GRM7: variants seen among roughly 807,000 people sequenced by gnomAD.
GRM7 encodes the protein glutamate metabotropic receptor 7, also known as metabotropic glutamate receptor 7.
Under a neutral mutation model 84.5 loss-of-function variants are expected in GRM7, and 35 were observed. That is an observed-to-expected ratio of 0.41 (90% CI 0.32 to 0.55). The LOEUF is 0.55. Among genes scored for constraint, GRM7 ranks in the 20% least tolerant of loss-of-function variants. The probability of loss-of-function intolerance (pLI) is 0.19; values close to 1 mark genes in which losing one functional copy is unlikely to be tolerated. For synonymous variants in GRM7, 487 were observed against 455.1 expected (o/e 1.07, Z -0.89); for missense variants, 1,003 against 1,194.6 (o/e 0.84, Z 2.36).
intron 7 of GRM7, among the ~76,000 whole-genome samples, chr3:7,498,094 A>G (rs1275672975): frequency 2.6e-5 from 4 of 152,222 alleles, no homozygotes; most frequent in Non-Finnish European, 4.4e-5. Context: ...CCTCTCTTCA[A>G]GTATATACAA....
At chr3:7,491,808 T>C (rs1314921899) in intron 7 of GRM7, among the ~76,000 whole-genome samples, 1 of 152,178 alleles carries the variant, frequency 6.6e-6, no homozygotes, top group Non-Finnish European at 1.5e-5. Flanking sequence ...CTGGATATGG[T>C]TCTTAGTACA....
At chr3:7,524,890 A>G (rs1359961160) in intron 7 of GRM7, among the ~76,000 whole-genome samples, 1 of 116,324 alleles carries the variant, frequency 8.6e-6, no homozygotes, top group Non-Finnish European at 1.7e-5. Context: ...GATAGACTGG[A>G]TTAAGAAAAT....
intron 4 of GRM7, among the ~76,000 whole-genome samples, chr3:7,368,809 C>T (rs1298760102): frequency 6.6e-6 from 1 of 152,114 alleles, no homozygotes; most frequent in Non-Finnish European, 1.5e-5. Flanking sequence ...TACATCTGTT[C>T]TTGATTCCCA....
At chr3:6,920,447 C>T (rs1270305090) in intron 1 of GRM7, among the ~76,000 whole-genome samples, 1 of 151,638 alleles carries the variant, frequency 6.6e-6, no homozygotes, top group African/African-American at 2.4e-5. Context: ...CCAAGCTGCT[C>T]AGGAGGCCGA....
chr3:7,153,048 G>T (rs1248118140), intron 2 of GRM7, among the ~76,000 whole-genome samples: 1 of 151,630 alleles, frequency 6.6e-6, no homozygotes, highest in Non-Finnish European at 1.5e-5. Context: ...GTGGTATCCA[G>T]CATCAGCTGG....
chr3:7,298,047 G>A (rs7621647), intron 2 of GRM7, among the ~76,000 whole-genome samples: 60 of 152,126 alleles, frequency 3.9e-4, no homozygotes, highest in African/African-American at 1.4e-3. Context: ...TGAGCAATAC[G>A]AAATACTTTA....
intron 8 of GRM7, among the ~76,000 whole-genome samples, chr3:7,653,924 G>A (rs994396820): frequency 6.6e-6 from 1 of 152,168 alleles, no homozygotes; most frequent in African/African-American, 2.4e-5. Flanking sequence ...TCTAAGACCA[G>A]TGCTGCTTCC....
chr3:7,322,844 T>A (rs1368189322), intron 4 of GRM7, among the ~76,000 whole-genome samples: 3 of 152,044 alleles, frequency 2.0e-5, no homozygotes, highest in African/African-American at 7.2e-5. Flanking sequence ...AAATTCGTTA[T>A]CCTCTTTTGA....
intron 2 of GRM7, among the ~76,000 whole-genome samples, chr3:7,208,988 A>G (rs1696332685): frequency 6.6e-6 from 1 of 152,218 alleles, no homozygotes; most frequent in South Asian, 2.1e-4. Flanking sequence ...AAACCATCAT[A>G]AGTTGAAAAT....
At chr3:6,953,877 A>G (rs545277842) in intron 1 of GRM7, among the ~76,000 whole-genome samples, 1 of 152,266 alleles carries the variant, frequency 6.6e-6, no homozygotes, top group South Asian at 2.1e-4. Flanking sequence ...TGAGAATTAA[A>G]TGAGATAATT....
intron 1 of GRM7, among the ~76,000 whole-genome samples, chr3:7,093,142 A>G (rs538120530): frequency 6.6e-6 from 1 of 152,286 alleles, no homozygotes; most frequent in East Asian, 1.9e-4. Flanking sequence ...GATTTAGGAA[A>G]GATGCAGAGA....
chr3:7,225,674 A>T (rs1174165003), intron 2 of GRM7, among the ~76,000 whole-genome samples: 1 of 151,566 alleles, frequency 6.6e-6, no homozygotes, highest in East Asian at 1.9e-4. Context: ...TGCCAAGGTG[A>T]TTATTTTTAT....
chr3:7,185,160 T>A (rs1390768708), intron 2 of GRM7, among the ~76,000 whole-genome samples: 2 of 152,138 alleles, frequency 1.3e-5, no homozygotes, highest in African/African-American at 4.8e-5. Flanking sequence ...CACCATGGCC[T>A]TAATTACTAG....
At chr3:7,627,017 A>G (rs956658904) in intron 8 of GRM7, among the ~76,000 whole-genome samples, 1 of 152,046 alleles carries the variant, frequency 6.6e-6, no homozygotes. Flanking sequence ...TTGGGTAGAA[A>G]AGAAATATCA....
In GRM7 at chr3:7,360,134, C is replaced by CGTGTGT. The variant is rs1559264944; in HGVS notation, c.1033+53482_1033+53483insGTGTGT. Reference sequence around the variant, plus strand: ...TCTCTTTCTCCCCCCCTTTTTTTTCCCTCTGTGTGTGTGTGTGTGTGTGTG... The same window carrying CGTGTGT: ...TCTCTTTCTCCCCCCCTTTTTTTTCCGTGTGTCTCTGTGTGTGTGTGTGTGTGTGTG... On this transcript the variant is annotated intron_variant, in intron 4 of 9. Transcript: ENST00000357716. 5.7e-5 allele frequency among the ~76,000 whole-genome samples: 6 copies of CGTGTGT among 105,856 alleles called. 1 individual carries two copies. The highest frequency in any genetic ancestry group is 2.5e-4 in the African/African-American group (6 of 23,580). The allele number at this position is 105,856 out of a possible 152,430, so 69.4% of individuals were successfully genotyped here. A position where few individuals can be genotyped will look rare whatever the true frequency, so the allele number is the denominator to read the frequency against.
At chr3:7,323,831 AAATGT>A (rs762014109) in intron 4 of GRM7, among the ~76,000 whole-genome samples, 29 of 152,304 alleles carry the variant, frequency 1.9e-4, no homozygotes, top group Non-Finnish European at 4.1e-4. Flanking sequence ...AGGTATTATG[AAATGT>A]AATCTTGAAA....
intron 1 of GRM7, among the ~76,000 whole-genome samples, chr3:7,086,622 A>G (rs571057705): frequency 2.6e-5 from 4 of 152,180 alleles, no homozygotes; most frequent in African/African-American, 9.7e-5. Flanking sequence ...CTCCACATCA[A>G]CGTATCCTGC....
At chr3:7,736,874 G>A (rs1216538147) in intron 9 of GRM7, among the ~76,000 whole-genome samples, 1 of 152,092 alleles carries the variant, frequency 6.6e-6, no homozygotes, top group East Asian at 1.9e-4. Flanking sequence ...TTCAAAAAGA[G>A]CTGAGGAGAA....
chr3:7,628,687 A>C (rs1442026749), intron 8 of GRM7, among the ~76,000 whole-genome samples: 1 of 152,170 alleles, frequency 6.6e-6, no homozygotes, highest in Non-Finnish European at 1.5e-5. Context: ...GAGGCATTTG[A>C]GAGTCATCTC....
Sources: gnomAD v4.1 joint callset for allele counts (sites outside exome capture counted in the v4.1 genomes callset) on GRCh38, gnomAD v4.1.1 for gene constraint, MANE v1.5 for transcripts, NCBI Gene and HGNC (gene_info 2026-07-23, HGNC 2026-07-21) for gene names.